The following EPHX4 variants were observed in gnomAD, a reference collection of about 807,000 sequenced individuals.
EPHX4 encodes epoxide hydrolase 4.
Under a neutral mutation model 44.9 loss-of-function variants are expected in EPHX4, and 31 were observed. That is an observed-to-expected ratio of 0.69 (90% CI 0.52 to 0.93). The LOEUF (loss-of-function observed/expected upper bound fraction) is 0.93. Among genes scored for constraint, EPHX4 ranks in the 40% least tolerant of loss-of-function variants. The pLI is 0.00. For synonymous variants in EPHX4, 151 were observed against 159.7 expected (o/e 0.95, Z 0.41); for missense variants, 373 against 438.1 (o/e 0.85, Z 1.33).
At chr1:92,060,785 G>A (rs1647478591) in intron 6 of EPHX4, among the ~76,000 whole-genome samples, 1 of 151,914 alleles carries the variant, frequency 6.6e-6, no homozygotes, top group Non-Finnish European at 1.5e-5. Flanking sequence ...CAATTGTTCT[G>A]TGCACCGATA....
chr1:92,045,335 C>A (rs536047369), intron 3 of EPHX4, among the ~76,000 whole-genome samples, 197 bp from the exon 4 acceptor site: 1 of 151,556 alleles, frequency 6.6e-6, no homozygotes, highest in East Asian at 1.9e-4. Flanking sequence ...GATTCTCAAT[C>A]TATAGGTTTA....
chr1:92,062,322 A>C (rs1647515665), intron 6 of EPHX4, among the ~76,000 whole-genome samples: 1 of 152,012 alleles, frequency 6.6e-6, no homozygotes, highest in Admixed American at 6.6e-5. Context: ...GCGGTGGCTC[A>C]CGGCTGTAAT....
At chr1:92,051,154 T>C (rs142967277) in intron 5 of EPHX4, among the ~76,000 whole-genome samples, 1 of 152,108 alleles carries the variant, frequency 6.6e-6, no homozygotes. Context: ...TACATGTCCA[T>C]CATGGTGTTA....
At position 92,042,818 on chromosome 1, in the gene EPHX4, T is replaced by A. The variant is rs767516571; in HGVS notation, c.318-5T>A. On this transcript the variant is annotated splice_region_variant and splice_polypyrimidine_tract_variant and intron_variant, in intron 2 of 6. Transcript: ENST00000370383. ...ATATTTTAAATGCTTCCTTTTTTCCTGCAGGTATTCTTGGCGTTACCAACT... is the reference window on the plus strand; with the variant it reads ...ATATTTTAAATGCTTCCTTTTTTCCAGCAGGTATTCTTGGCGTTACCAACT... The A allele has an allele frequency of 6.2e-7, 1 of 1,606,796 alleles. No homozygotes were observed. Among genetic ancestry groups the A allele is most frequent in the East Asian group, 2.2e-5 (1 of 44,758 alleles).
At position 92,050,356 on chromosome 1, in the gene EPHX4, G is replaced by C; in HGVS notation, c.644G>C (p.Ser215Thr). Residue 215 changes from serine to threonine, a missense_variant, in exon 5 of 7, where the codon AGT (serine) becomes ACT (threonine). Transcript: ENST00000370383. The part of the protein sequence containing the change: ...LRHPAQLLKS[S>T]YYYFFQIPWF... ...CACCCTGCTCAGCTGTTGAAATCCA[G>C]TTATTATTACTTCTTCCAAATACCA... The C allele has an allele frequency of 6.2e-7, 1 of 1,607,058 alleles. No individual in the cohort carries two copies. The highest frequency in any genetic ancestry group is 1.1e-5 in the South Asian group (1 of 89,668).
At chr1:92,056,029 G>A (rs1481146787) in intron 6 of EPHX4, among the ~76,000 whole-genome samples, 5 of 152,090 alleles carry the variant, frequency 3.3e-5, no homozygotes, top group East Asian at 1.9e-4. Context: ...GAATGAGAGC[G>A]AGCAGGCCTA....
rs142967277 is a variant in EPHX4 at position 92,051,154 on chromosome 1, T to A, written c.708+734T>A. Among the ~76,000 whole-genome samples, 187 of 152,226 alleles carry A rather than the reference T, an allele frequency of 1.2e-3. 2 individuals are homozygous for A. In the East Asian group the frequency reaches 0.032, roughly 26 times the overall value. ...GACATAAATGCTTCTTACATGTCCA[T>A]CATGGTGTTAGATATTGGTGAGGAT... is the stretch of plus-strand genomic sequence containing the variant. On this transcript the variant is annotated intron_variant, in intron 5 of 6. Coordinates refer to ENST00000370383, the MANE Select transcript of EPHX4 (RefSeq NM_173567.5).
intron 1 of EPHX4, 30 bp from the exon 2 acceptor site, chr1:92,032,471 AACAT>A: frequency 6.6e-7 from 1 of 1,513,598 alleles, no homozygotes; most frequent in African/African-American, 1.4e-5. Context: ...AATCAACACA[AACAT>A]CACTAAAATT....
At chr1:92,039,166 T>C (rs1688478783) in intron 2 of EPHX4, among the ~76,000 whole-genome samples, 1 of 152,234 alleles carries the variant, frequency 6.6e-6, no homozygotes, top group Non-Finnish European at 1.5e-5. Flanking sequence ...CAGATTTTTT[T>C]CTGCTAGAAT....
At chr1:92,048,216 A>G (rs953741944) in intron 4 of EPHX4, among the ~76,000 whole-genome samples, 41 of 152,206 alleles carry the variant, frequency 2.7e-4, no homozygotes, top group African/African-American at 9.7e-4. Flanking sequence ...ATCACTTGGT[A>G]TAGTGAGGTA....
chr1:92,040,207 G>T (rs1557882433), intron 2 of EPHX4, among the ~76,000 whole-genome samples: 1 of 125,662 alleles, frequency 8.0e-6, no homozygotes, highest in Non-Finnish European at 1.6e-5. Flanking sequence ...GCAGGTTCTG[G>T]CTCTGTCACT....
chr1:92,063,036 A>T lies in EPHX4; in HGVS notation c.858-19A>T. 1 of 1,593,256 alleles carries T rather than the reference A, an allele frequency of 6.3e-7. No homozygotes were observed. The highest frequency in any genetic ancestry group is 8.6e-7 in the Non-Finnish European group (1 of 1,164,282). ...AACTTTGACAGTGAATCTCAAGCCC[A>T]TGTATTTTGTTTTTATAGCTGCCTG... On this transcript the variant is annotated intron_variant, in intron 6 of 6. Transcript: ENST00000370383.
chr1:92,060,647 G>A (rs980202089), intron 6 of EPHX4, among the ~76,000 whole-genome samples: 1 of 151,514 alleles, frequency 6.6e-6, no homozygotes, highest in Non-Finnish European at 1.5e-5. Flanking sequence ...AGCCGGGTGC[G>A]ATGGCTCACA....
At position 92,038,537 on chromosome 1, in the gene EPHX4, G is replaced by T. The variant is rs565470975; in HGVS notation, c.318-4286G>T. On this transcript the variant is annotated intron_variant, in intron 2 of 6. Coordinates refer to ENST00000370383, the MANE Select transcript of EPHX4 (RefSeq NM_173567.5). ...TATTCTCATAGACGACCCAGGAAAC[G>T]ATCTCGTGGAAGAGCCAGGTATCAA... is the stretch of plus-strand genomic sequence containing the variant. Among the ~76,000 whole-genome samples, 92 of 152,244 alleles carry T rather than the reference G, an allele frequency of 6.0e-4. 1 individual carries two copies. Among genetic ancestry groups the T allele is most frequent in the Non-Finnish European group, 1.1e-3 (78 of 68,026 alleles).
At chr1:92,062,980 C>A in intron 6 of EPHX4, 75 bp from the exon 7 acceptor site, 2 of 1,283,060 alleles carry the variant, frequency 1.6e-6, no homozygotes, top group Non-Finnish European at 2.2e-6. Context: ...AATGTATGAC[C>A]TACTGGGGCA....
chr1:92,039,650 A>ATTT (rs1557882298), intron 2 of EPHX4, among the ~76,000 whole-genome samples: 21 of 151,954 alleles, frequency 1.4e-4, no homozygotes, highest in African/African-American at 3.9e-4. Context: ...TTATTTAATT[A>ATTT]ATTTATTTAT....
chr1:92,059,589 G>A (rs1647445851), intron 6 of EPHX4, among the ~76,000 whole-genome samples: 1 of 152,076 alleles, frequency 6.6e-6, no homozygotes, highest in African/African-American at 2.4e-5. Flanking sequence ...AGAAAAAACA[G>A]GAGAATCTAC....
intron 2 of EPHX4, among the ~76,000 whole-genome samples, chr1:92,042,326 A>C (rs936152905): frequency 6.6e-6 from 1 of 152,232 alleles, no homozygotes; most frequent in South Asian, 2.1e-4. Context: ...AATAATTCTC[A>C]TAGAATGTCA....
chr1:92,033,987 CAT>C (rs1467716365), intron 2 of EPHX4, among the ~76,000 whole-genome samples: 2 of 129,652 alleles, frequency 1.5e-5, no homozygotes, highest in African/African-American at 2.8e-5. Flanking sequence ...GAAAGCAACA[CAT>C]GTTTAAACTT....
Sources: allele counts gnomAD v4.1 joint callset (sites outside exome capture counted in the v4.1 genomes callset), GRCh38; gene constraint gnomAD v4.1.1; transcripts MANE v1.5; gene names NCBI Gene and HGNC (gene_info 2026-07-23, HGNC 2026-07-21).